The following KCNMA1 variants were observed in gnomAD, a reference collection of about 807,000 sequenced individuals.
KCNMA1 encodes the protein Calcium-activated potassium channel subunit alpha-1.
In KCNMA1, 29 loss-of-function variants were observed where a neutral mutation model predicts 140.0. The ratio of observed to expected loss-of-function variants is 0.21; its 90% CI spans 0.15 to 0.28. The LOEUF (loss-of-function observed/expected upper bound fraction) is 0.28. KCNMA1 is among the 10% of genes least tolerant of loss of function. The pLI, the probability that KCNMA1 is intolerant of heterozygous loss-of-function variation, is 1.00. For synonymous variants in KCNMA1, 612 were observed against 611.9 expected, an observed-to-expected ratio of 1.00 and a Z score of 0.00; for missense variants, 880 against 1,602.2, an observed-to-expected ratio of 0.55 and a Z score of 7.70.
chr10:77,531,501 C>G (rs2057600885), intron 1 of KCNMA1, among the ~76,000 whole-genome samples: 1 of 152,186 alleles, frequency 6.6e-6, no homozygotes, highest in Non-Finnish European at 1.5e-5. Flanking sequence ...TGGGTTCAAG[C>G]TGTCCCAGTT....
At chr10:77,030,092 G>A (rs1286967550) in intron 15 of KCNMA1, among the ~76,000 whole-genome samples, 1 of 152,220 alleles carries the variant, frequency 6.6e-6, no homozygotes. Context: ...CTACATGTGA[G>A]GTTGTGGTCC....
At chr10:77,301,885 A>C (rs1246313278) in intron 2 of KCNMA1, among the ~76,000 whole-genome samples, 1 of 151,064 alleles carries the variant, frequency 6.6e-6, no homozygotes, top group African/African-American at 2.4e-5. Context: ...TCAACCCATC[A>C]GAAAGCAGAG....
chr10:76,996,696 CTAA>C (rs1472536751), intron 19 of KCNMA1, among the ~76,000 whole-genome samples: 1 of 152,116 alleles, frequency 6.6e-6, no homozygotes, highest in Admixed American at 6.5e-5. Flanking sequence ...GGCTTTAAAA[CTAA>C]TACATGAAAA....
chr10:77,080,606 T>G (rs2096541168), intron 12 of KCNMA1, among the ~76,000 whole-genome samples: 1 of 152,172 alleles, frequency 6.6e-6, no homozygotes, highest in Non-Finnish European at 1.5e-5. Context: ...ATGAAAAATT[T>G]GAGGGCCCCT....
At chr10:77,302,565 A>G (rs1196815762) in intron 2 of KCNMA1, among the ~76,000 whole-genome samples, 3 of 152,144 alleles carry the variant, frequency 2.0e-5, no homozygotes, top group Non-Finnish European at 1.5e-5. Context: ...CCCACATTCA[A>G]AAAGAATGAG....
intron 23 of KCNMA1, among the ~76,000 whole-genome samples, chr10:76,926,378 T>C (rs1481389055): frequency 6.6e-6 from 1 of 152,214 alleles, no homozygotes; most frequent in Non-Finnish European, 1.5e-5. Context: ...GAGGAAGATG[T>C]CATGAAGATT....
chr10:77,511,943 A>G (rs888276632), intron 1 of KCNMA1, among the ~76,000 whole-genome samples: 1 of 152,158 alleles, frequency 6.6e-6, no homozygotes, highest in Non-Finnish European at 1.5e-5. Context: ...GATTTTAGAG[A>G]ATGGAACTTG....
chr10:77,264,945 G>C (rs2063018255), intron 2 of KCNMA1, among the ~76,000 whole-genome samples: 1 of 152,158 alleles, frequency 6.6e-6, no homozygotes, highest in Admixed American at 6.5e-5. Flanking sequence ...CCTGGCAGGG[G>C]ACACAAAACT....
intron 2 of KCNMA1, among the ~76,000 whole-genome samples, chr10:77,387,744 A>G (rs1428499245): frequency 2.0e-5 from 3 of 151,758 alleles, no homozygotes; most frequent in Non-Finnish European, 4.4e-5. Context: ...CAGCCTCCCA[A>G]GTAGCTGAGA....
At chr10:77,277,124 G>T (rs1398076259) in intron 2 of KCNMA1, among the ~76,000 whole-genome samples, 2 of 152,136 alleles carry the variant, frequency 1.3e-5, no homozygotes, top group African/African-American at 2.4e-5. Context: ...TGCCTTAAGA[G>T]AGCTTTGCCT....
intron 1 of KCNMA1, among the ~76,000 whole-genome samples, chr10:77,545,513 A>AT (rs1377146391): frequency 1.3e-5 from 2 of 152,064 alleles, no homozygotes; most frequent in Non-Finnish European, 2.9e-5. Context: ...CCAGAACCTG[A>AT]TTTTCACATG....
intron 19 of KCNMA1, among the ~76,000 whole-genome samples, chr10:76,982,681 A>G (rs1200821901): frequency 6.6e-6 from 1 of 152,156 alleles, no homozygotes; most frequent in Non-Finnish European, 1.5e-5. Flanking sequence ...AATATTTAGT[A>G]ATAATCTGAA....
At chr10:77,057,881 C>A (rs1007374900) in intron 14 of KCNMA1, among the ~76,000 whole-genome samples, 2 of 151,418 alleles carry the variant, frequency 1.3e-5, no homozygotes, top group Middle Eastern at 3.2e-3. Flanking sequence ...AAACAGAAAG[C>A]AAATAAAATA....
At chr10:77,482,699 G>A (rs1287526633) in intron 1 of KCNMA1, among the ~76,000 whole-genome samples, 1 of 152,054 alleles carries the variant, frequency 6.6e-6, no homozygotes, top group Non-Finnish European at 1.5e-5. Context: ...AACAAGAAGA[G>A]CTGGGAGCCA....
At chr10:77,057,216 T>C (rs563108083) in intron 14 of KCNMA1, among the ~76,000 whole-genome samples, 1 of 152,156 alleles carries the variant, frequency 6.6e-6, no homozygotes, top group Non-Finnish European at 1.5e-5. Context: ...TAACCACAAT[T>C]CAAATGACTA....
intron 2 of KCNMA1, among the ~76,000 whole-genome samples, chr10:77,325,381 G>A (rs1034232690): frequency 1.3e-5 from 2 of 152,110 alleles, no homozygotes; most frequent in Non-Finnish European, 2.9e-5. Flanking sequence ...CAGTCCAACC[G>A]CAAAGTGGAA....
intron 1 of KCNMA1, among the ~76,000 whole-genome samples, chr10:77,552,482 G>A: frequency 6.6e-6 from 1 of 152,198 alleles, no homozygotes; most frequent in African/African-American, 2.4e-5. Context: ...GCCCAGCATA[G>A]AGCAGTACTG....
chr10:77,446,517 G>A (rs374948955), intron 1 of KCNMA1, among the ~76,000 whole-genome samples: 3 of 152,210 alleles, frequency 2.0e-5, no homozygotes, highest in South Asian at 2.1e-4. Context: ...TCAAGGCCCC[G>A]GTCAGCCGCC....
chr10:77,252,336 C>T (rs983790998), intron 2 of KCNMA1, among the ~76,000 whole-genome samples: 3 of 152,184 alleles, frequency 2.0e-5, no homozygotes, highest in Non-Finnish European at 4.4e-5. Context: ...AAAAAGTAAG[C>T]ACCACCATTA....
Sources: gnomAD v4.1 joint callset for allele counts (sites outside exome capture counted in the v4.1 genomes callset) on GRCh38, gnomAD v4.1.1 for gene constraint, MANE v1.5 for transcripts, NCBI Gene and HGNC (gene_info 2026-07-23, HGNC 2026-07-21) for gene names.